The following LDB2 variants were observed in gnomAD, a reference collection of about 807,000 sequenced individuals.
The protein encoded by LDB2 is LIM domain-binding protein 2.
A neutral mutation model predicts 44.3 loss-of-function variants in LDB2; 12 were observed. The ratio of observed to expected loss-of-function variants is 0.27; its 90% CI spans 0.17 to 0.44. The LOEUF (loss-of-function observed/expected upper bound fraction) is 0.44. Ranked by LOEUF, LDB2 falls within the 20% of genes least tolerant of loss-of-function variation. The pLI is 1.00. For missense variants in LDB2, 344 were observed against 473.5 expected (o/e 0.73, Z 2.54); for synonymous variants, 164 against 174.8 (o/e 0.94, Z 0.49).
intron 1 of LDB2, among the ~76,000 whole-genome samples, chr4:16,778,850 T>C (rs972863192): frequency 5.3e-5 from 8 of 152,224 alleles, no homozygotes; most frequent in African/African-American, 1.7e-4. Context: ...TATAACAAAG[T>C]TAACCTAAGT....
intron 5 of LDB2, among the ~76,000 whole-genome samples, chr4:16,557,144 C>A (rs928418889): frequency 2.0e-5 from 3 of 152,182 alleles, no homozygotes; most frequent in Non-Finnish European, 4.4e-5. Flanking sequence ...CCAGCGTGAG[C>A]GACGCAGAAG....
intron 1 of LDB2, among the ~76,000 whole-genome samples, chr4:16,818,213 C>G (rs1049307100): frequency 2.0e-5 from 3 of 152,140 alleles, no homozygotes; most frequent in Non-Finnish European, 4.4e-5. Flanking sequence ...GGTTCCTTAG[C>G]AGGGTGGTTA....
chr4:16,589,834 A>T (rs1381957632), intron 3 of LDB2, among the ~76,000 whole-genome samples: 1 of 152,196 alleles, frequency 6.6e-6, no homozygotes, highest in Non-Finnish European at 1.5e-5. Flanking sequence ...ACTGGATTTG[A>T]ATCCCAATTC....
intron 5 of LDB2, among the ~76,000 whole-genome samples, chr4:16,560,969 CAT>C (rs1389423018): frequency 6.6e-6 from 1 of 152,210 alleles, no homozygotes; most frequent in Non-Finnish European, 1.5e-5. Flanking sequence ...ACAAAAACCA[CAT>C]GATTATCTCA....
At chr4:16,668,049 A>G (rs1743775295) in intron 2 of LDB2, among the ~76,000 whole-genome samples, 1 of 152,214 alleles carries the variant, frequency 6.6e-6, no homozygotes, top group Non-Finnish European at 1.5e-5. Context: ...CAACATCTTT[A>G]AAAAAATGAA....
intron 2 of LDB2, among the ~76,000 whole-genome samples, chr4:16,649,099 C>A (rs1737566905): frequency 6.6e-6 from 1 of 152,198 alleles, no homozygotes; most frequent in Non-Finnish European, 1.5e-5. Context: ...AGCCATGTCT[C>A]AGCTTACAAC....
At chr4:16,792,163 G>GT (rs1775900878) in intron 1 of LDB2, among the ~76,000 whole-genome samples, 1 of 152,156 alleles carries the variant, frequency 6.6e-6, no homozygotes, top group South Asian at 2.1e-4. Context: ...GTTAACCTAA[G>GT]TTTTTTATCC....
At chr4:16,589,484 T>C (rs975529599) in intron 3 of LDB2, among the ~76,000 whole-genome samples, 1 of 152,170 alleles carries the variant, frequency 6.6e-6, no homozygotes, top group Non-Finnish European at 1.5e-5. Context: ...TTTATCTTTC[T>C]AAGAATAATA....
intron 2 of LDB2, among the ~76,000 whole-genome samples, chr4:16,711,270 T>C (rs1755812348): frequency 6.6e-6 from 1 of 152,150 alleles, no homozygotes; most frequent in African/African-American, 2.4e-5. Context: ...AATCACGGCA[T>C]TATGGTTTGT....
chr4:16,676,510 C>A (rs1578696794), intron 2 of LDB2, among the ~76,000 whole-genome samples: 1 of 152,136 alleles, frequency 6.6e-6, no homozygotes, highest in South Asian at 2.1e-4. Flanking sequence ...CTGTGCAAGG[C>A]ACAATGTCAA....
At chr4:16,758,826 G>A (rs968208754) in intron 2 of LDB2, among the ~76,000 whole-genome samples, 5 of 152,224 alleles carry the variant, frequency 3.3e-5, no homozygotes, top group Non-Finnish European at 5.9e-5. Context: ...TGGATGTCAA[G>A]TGTGAACCGT....
At chr4:16,684,704 G>A (rs184251641) in intron 2 of LDB2, among the ~76,000 whole-genome samples, 16 of 152,248 alleles carry the variant, frequency 1.1e-4, no homozygotes, top group Admixed American at 8.5e-4. Context: ...TTGGATTTTG[G>A]ATTTGATAAC....
chr4:16,735,028 A>C (rs968362724), intron 2 of LDB2, among the ~76,000 whole-genome samples: 1 of 152,284 alleles, frequency 6.6e-6, no homozygotes, highest in East Asian at 1.9e-4. Context: ...CCATCTTCTA[A>C]GGGCTCGGGT....
intron 2 of LDB2, among the ~76,000 whole-genome samples, chr4:16,649,321 C>T (rs936449047): frequency 6.6e-6 from 1 of 152,118 alleles, no homozygotes; most frequent in African/African-American, 2.4e-5. Flanking sequence ...AAATGTATGA[C>T]CAAAGTCTAA....
chr4:16,685,415 TG>T (rs150282540), intron 2 of LDB2, among the ~76,000 whole-genome samples: 7 of 152,340 alleles, frequency 4.6e-5, no homozygotes, highest in African/African-American at 1.7e-4. Context: ...TGTTTTGTTT[TG>T]TTTTGTTTTT....
At chr4:16,674,163 G>T in intron 2 of LDB2, 2 of 1,035,156 alleles carry the variant, frequency 1.9e-6, no homozygotes, top group Non-Finnish European at 2.6e-6. Flanking sequence ...CAGAATTCAC[G>T]CCTTAAAACA....
intron 1 of LDB2, among the ~76,000 whole-genome samples, chr4:16,863,113 A>G (rs778013321): frequency 2.6e-5 from 4 of 152,218 alleles, no homozygotes; most frequent in Non-Finnish European, 5.9e-5. Flanking sequence ...ACGAGTCCTT[A>G]AGAGTATTGA....
chr4:16,883,392 A>C (rs534806958), intron 1 of LDB2, among the ~76,000 whole-genome samples: 27 of 152,348 alleles, frequency 1.8e-4, no homozygotes, highest in African/African-American at 6.5e-4. Flanking sequence ...CCGAGGCTTA[A>C]GTTTACAGAG....
intron 1 of LDB2, among the ~76,000 whole-genome samples, chr4:16,848,321 A>G (rs557509686): frequency 6.6e-6 from 1 of 152,342 alleles, no homozygotes; most frequent in African/African-American, 2.4e-5. Context: ...TATATACACT[A>G]TAATCTAATT....
Sources: allele counts gnomAD v4.1 joint callset (sites outside exome capture counted in the v4.1 genomes callset), GRCh38; gene constraint gnomAD v4.1.1; transcripts MANE v1.5; gene names NCBI Gene and HGNC (gene_info 2026-07-23, HGNC 2026-07-21).